RABEPK: variants seen among roughly 807,000 people sequenced by gnomAD.
RABEPK encodes Rab9 effector protein with kelch motifs, also known as 40 kDa Rab9 effector protein.
In RABEPK, 27 loss-of-function variants were observed where a neutral mutation model predicts 34.1. The ratio of observed to expected loss-of-function variants is 0.79; its 90% CI spans 0.58 to 1.09. The LOEUF (loss-of-function observed/expected upper bound fraction) is 1.09, where lower values mean the gene tolerates loss of function less well. Among genes scored for constraint, RABEPK ranks in the 50% least tolerant of loss-of-function variants. RABEPK has a pLI of 0.00. For missense variants in RABEPK, 449 were observed against 462.6 expected, an observed-to-expected ratio of 0.97 and a Z score of 0.27; for synonymous variants, 172 against 169.2, an observed-to-expected ratio of 1.02 and a Z score of -0.13.
At chr9:125,214,235 G>A (rs777810265) in intron 4 of RABEPK, among the ~76,000 whole-genome samples, 1 of 152,160 alleles carries the variant, frequency 6.6e-6, no homozygotes, top group Non-Finnish European at 1.5e-5. Context: ...TCCAGTAAAG[G>A]CGATTGTGCC....
chr9:125,212,851 G>A (rs1366865267), intron 3 of RABEPK, among the ~76,000 whole-genome samples: 1 of 151,622 alleles, frequency 6.6e-6, no homozygotes, highest in Non-Finnish European at 1.5e-5. Flanking sequence ...TTGTATTTTA[G>A]TAGAGATGAG....
At chr9:125,202,023 G>A (rs1221540697) in intron 1 of RABEPK, among the ~76,000 whole-genome samples, 1 of 148,060 alleles carries the variant, frequency 6.8e-6, no homozygotes, top group Non-Finnish European at 1.5e-5. Context: ...CCAGCCTGGC[G>A]AACATAGTGA....
Position 125,228,155 on chromosome 9 carries a change from T to G in RABEPK, c.676+96T>G. 4 of 1,111,816 alleles carry G rather than the reference T, an allele frequency of 3.6e-6. No individual in the cohort carries two copies. In the South Asian group the frequency reaches 1.2e-4, roughly 33 times the overall value. 68.9% of individuals were successfully genotyped at this position (1,111,816 alleles called of 1,614,324 possible). ...TCTCTGTCTGTCACTCAGGCTGGAG[T>G]GCGGTGGCATGATCTCAGTAGCCTC... On this transcript the variant is annotated intron_variant, in intron 6 of 7. Transcript: ENST00000373538.
At chr9:125,228,619 A>G (rs1045596378) in intron 6 of RABEPK, among the ~76,000 whole-genome samples, 1 of 150,800 alleles carries the variant, frequency 6.6e-6, no homozygotes, top group African/African-American at 2.4e-5. Flanking sequence ...AGATTACGCC[A>G]CTGCACTCCA....
chr9:125,233,770 G>A lies in RABEPK; in HGVS notation c.909G>A (p.Trp303Ter). The change falls in exon 8 of 8, where the codon TGG becomes TGA. Residue 303 changes from tryptophan (W) to a stop codon, truncating the protein, a stop_gained. Transcript: ENST00000373538. LOFTEE classifies it low-confidence loss of function (END_TRUNC). ...ACCATTCCATGTGTATCATTCCATG[G>A]CCAGTGACGTGTGCTTCTGAGAAAG... ...RLDHSMCIIPWPVTCASEKED... is the reference protein window; with the variant it reads ...RLDHSMCIIP 6.2e-7 allele frequency: 1 copy of A among 1,613,900 alleles called. No homozygotes were observed. Among genetic ancestry groups the A allele is most frequent in the Non-Finnish European group, 8.5e-7 (1 of 1,179,874 alleles).
Position 125,200,740 on chromosome 9 carries a change from A to G in RABEPK, c.-173A>G, listed in dbSNP as rs1409244953. On this transcript the variant is annotated 5_prime_UTR_variant, in exon 1 of 8. Coordinates refer to ENST00000373538, the MANE Select transcript of RABEPK (RefSeq NM_005833.4). ...GCTCCGTCCCGGCCACTTTGACCGA[A>G]TCAGCCTGTTCTTTCCCGACCCCGT... The G allele has an allele frequency of 2.1e-6, 1 of 471,184 alleles. No homozygotes were observed. Among genetic ancestry groups the G allele is most frequent in the Non-Finnish European group, 4.4e-6 (1 of 227,054 alleles). The allele number at this position is 471,184 out of a possible 1,614,324, so 29.2% of individuals were successfully genotyped here.
At chr9:125,224,604 C>T (rs182258921) in intron 5 of RABEPK, among the ~76,000 whole-genome samples, 5 of 152,120 alleles carry the variant, frequency 3.3e-5, no homozygotes, top group Admixed American at 6.6e-5. Context: ...AGGCACATGC[C>T]ACCACGCCTG....
intron 1 of RABEPK, 120 bp from the exon 2 acceptor site, chr9:125,202,888 A>T (rs1022711141): frequency 2.0e-6 from 1 of 504,468 alleles, no homozygotes; most frequent in Non-Finnish European, 3.5e-6. Flanking sequence ...GGTGATTCTT[A>T]TTCAAATCAA....
At chr9:125,224,754 A>G (rs779052258) in intron 5 of RABEPK, among the ~76,000 whole-genome samples, 5 of 152,066 alleles carry the variant, frequency 3.3e-5, no homozygotes, top group Non-Finnish European at 7.4e-5. Context: ...GCGCCCGGCC[A>G]GTATTGTCTG....
intron 4 of RABEPK, 163 bp from the exon 5 acceptor site, chr9:125,220,376 T>G: frequency 6.8e-7 from 1 of 1,464,456 alleles, no homozygotes; most frequent in Non-Finnish European, 9.0e-7. Context: ...CTAAGTATCA[T>G]CTTCATTCTT....
chr9:125,207,753 A>G (rs143908276), intron 3 of RABEPK, 32 bp downstream of exon 3: 28 of 1,611,492 alleles, frequency 1.7e-5, no homozygotes, highest in Admixed American at 6.7e-5. Context: ...TACATGCCCT[A>G]TGGCCAGAGA....
intron 5 of RABEPK, among the ~76,000 whole-genome samples, chr9:125,225,327 G>A (rs1831656550): frequency 6.6e-6 from 1 of 151,324 alleles, no homozygotes; most frequent in Admixed American, 6.6e-5. Context: ...AGAGGTTGCA[G>A]TGAGAGCCAA....
chr9:125,220,442 G>T, intron 4 of RABEPK, 97 bp from the exon 5 acceptor site: 1 of 1,519,476 alleles, frequency 6.6e-7, no homozygotes, highest in Non-Finnish European at 8.8e-7. Context: ...CCCCCCTGGG[G>T]ATTGGAGTTT....
intron 3 of RABEPK, among the ~76,000 whole-genome samples, chr9:125,213,156 G>C (rs1830694078): frequency 6.6e-6 from 1 of 152,140 alleles, no homozygotes; most frequent in African/African-American, 2.4e-5. Context: ...TTGACAAAGT[G>C]GGGACAGTTT....
rs577558697 is a variant in RABEPK, at chr9:125,218,774, G to A, written c.365-1765G>A. Among the ~76,000 whole-genome samples the A allele has an allele frequency of 2.0e-5, 3 of 151,958 alleles. No homozygotes were observed. In the South Asian group the frequency reaches 6.3e-4, roughly 32 times the overall value. On this transcript the variant is annotated intron_variant, in intron 4 of 7. Coordinates refer to ENST00000373538, the MANE Select transcript of RABEPK (RefSeq NM_005833.4). ...TTGCCTTATTCTGTAACCCAGGCTG[G>A]AGTTGCAGTGGTGTGATCTTGACTC...
At chr9:125,216,068 A>G (rs1588365052) in intron 4 of RABEPK, among the ~76,000 whole-genome samples, 1 of 152,112 alleles carries the variant, frequency 6.6e-6, no homozygotes, top group Non-Finnish European at 1.5e-5. Context: ...TGAGGTGTAC[A>G]GATCACCTGA....
chr9:125,216,547 G>A (rs1286343816), intron 4 of RABEPK, among the ~76,000 whole-genome samples: 2 of 152,060 alleles, frequency 1.3e-5, no homozygotes, highest in Non-Finnish European at 2.9e-5. Flanking sequence ...TGATTTATTT[G>A]TTTGGGTATT....
intron 4 of RABEPK, among the ~76,000 whole-genome samples, chr9:125,217,638 G>T (rs1588369896): frequency 6.6e-6 from 1 of 152,108 alleles, no homozygotes; most frequent in Non-Finnish European, 1.5e-5. Context: ...TTGACATCAT[G>T]CCCAAGAAAT....
In RABEPK at chr9:125,221,159, C is replaced by CAAATAAAT. The variant is rs56284068; in HGVS notation, c.526+495_526+502dup. 765 of 143,760 alleles carry CAAATAAAT rather than the reference C, an allele frequency of 5.3e-3. 7 individuals carry two copies. The highest frequency in any genetic ancestry group is 0.012 in the South Asian group (53 of 4,348). 8.9% of individuals were successfully genotyped at this position (143,760 alleles called of 1,614,324 possible). A position where few individuals can be genotyped will look rare whatever the true frequency, so the allele number is the denominator to read the frequency against. On this transcript the variant is annotated intron_variant, in intron 5 of 7. Coordinates refer to ENST00000373538, the MANE Select transcript of RABEPK (RefSeq NM_005833.4). ...TGGGCAACAGAGCAATACTCCATCT[C>CAAATAAAT]AAATAAATAAATAAATAAATAAATA...
Sources: allele counts gnomAD v4.1 joint callset (sites outside exome capture counted in the v4.1 genomes callset), GRCh38; gene constraint gnomAD v4.1.1; transcripts MANE v1.5; gene names NCBI Gene and HGNC (gene_info 2026-07-23, HGNC 2026-07-21).